Variants in SCFD2 observed in about 807,000 individuals in gnomAD.
SCFD2 encodes the protein sec1 family domain-containing protein 2.
In SCFD2, 54 loss-of-function variants were observed where a neutral mutation model predicts 58.9. The ratio of observed to expected loss-of-function variants is 0.92; its 90% CI spans 0.74 to 1.15. The LOEUF (loss-of-function observed/expected upper bound fraction) is 1.15. Ranked by LOEUF, SCFD2 falls within the 50% of genes most tolerant of loss-of-function variation. The pLI is 0.00. For missense variants in SCFD2, 805 were observed against 836.6 expected (o/e 0.96, Z 0.47); for synonymous variants, 321 against 335.9 (o/e 0.96, Z 0.49).
At chr4:52,975,274 G>C (rs1383578451) in intron 5 of SCFD2, among the ~76,000 whole-genome samples, 2 of 152,154 alleles carry the variant, frequency 1.3e-5, no homozygotes, top group African/African-American at 4.8e-5. Context: ...CTACTCATCT[G>C]ACCATGGGCT....
Position 53,145,592 on chromosome 4 carries a change from A to G in SCFD2, c.1312-10T>C. ...CTGACTCCCCAATGCTCTAAAATAAAAAATGATATGAAAATATGTCAATCT... is the reference window on the plus strand; with the variant it reads ...CTGACTCCCCAATGCTCTAAAATAAGAAATGATATGAAAATATGTCAATCT... On this transcript the variant is annotated splice_polypyrimidine_tract_variant and intron_variant, in intron 4 of 8. Coordinates refer to ENST00000401642, the MANE Select transcript of SCFD2 (RefSeq NM_152540.4). 1 of 1,605,616 alleles carries G rather than the reference A, an allele frequency of 6.2e-7. No homozygotes were observed. The highest frequency in any genetic ancestry group is 8.5e-7 in the Non-Finnish European group (1 of 1,176,640).
At chr4:52,943,745 C>G (rs773476359) in intron 5 of SCFD2, among the ~76,000 whole-genome samples, 1 of 152,112 alleles carries the variant, frequency 6.6e-6, no homozygotes, top group Non-Finnish European at 1.5e-5. Context: ...GGGACACATT[C>G]AAACCAAACC....
chr4:53,179,735 T>C (rs1727477263), intron 4 of SCFD2, among the ~76,000 whole-genome samples: 1 of 152,116 alleles, frequency 6.6e-6, no homozygotes, highest in South Asian at 2.1e-4. Flanking sequence ...GACCCATCAG[T>C]GTGCTGTATT....
At chr4:53,333,443 C>T (rs1328573203) in intron 2 of SCFD2, among the ~76,000 whole-genome samples, 1 of 136,204 alleles carries the variant, frequency 7.3e-6, no homozygotes, top group Non-Finnish European at 1.6e-5. Flanking sequence ...AGAAATAATG[C>T]CGCATATCTA....
intron 8 of SCFD2, among the ~76,000 whole-genome samples, chr4:52,880,059 T>C (rs994318342): frequency 5.3e-5 from 8 of 152,158 alleles, no homozygotes; most frequent in African/African-American, 1.9e-4. Flanking sequence ...ATTAAGCCAG[T>C]GGCACAGTGG....
At chr4:53,248,628 C>A (rs1366698517) in intron 4 of SCFD2, among the ~76,000 whole-genome samples, 3 of 152,240 alleles carry the variant, frequency 2.0e-5, no homozygotes, top group South Asian at 2.1e-4. Context: ...GACCCCCGAG[C>A]AGCCTAAGTG....
chr4:53,282,145 G>GC (rs1731526591), intron 3 of SCFD2, among the ~76,000 whole-genome samples: 1 of 152,154 alleles, frequency 6.6e-6, no homozygotes, highest in African/African-American at 2.4e-5. Flanking sequence ...GGGTAGAGGT[G>GC]CAGGTTTGTT....
chr4:52,983,589 G>A (rs76170492), intron 5 of SCFD2, among the ~76,000 whole-genome samples: 1 of 152,188 alleles, frequency 6.6e-6, no homozygotes, highest in African/African-American at 2.4e-5. Context: ...TTCTAGACAA[G>A]TGCTATTTTT....
At chr4:52,901,374 T>C (rs955746116) in intron 7 of SCFD2, among the ~76,000 whole-genome samples, 1 of 152,150 alleles carries the variant, frequency 6.6e-6, no homozygotes, top group Non-Finnish European at 1.5e-5. Flanking sequence ...CCCTGACAAA[T>C]AGAGCACAGT....
rs555390389 is a variant in SCFD2 at position 53,160,535 on chromosome 4, G to C, written c.1312-14953C>G. On this transcript the variant is annotated intron_variant, in intron 4 of 8. Transcript: ENST00000401642. ...TTTAGAGGAGGTTCAGAAAAGGAGG[G>C]GGTGTTTCAAAGGAGAAAACACAGA... Among the ~76,000 whole-genome samples, 57 of 152,146 alleles carry C rather than the reference G, an allele frequency of 3.7e-4. No homozygotes were observed. In the South Asian group the frequency reaches 0.011, roughly 31 times the overall value.
intron 7 of SCFD2, among the ~76,000 whole-genome samples, chr4:52,902,746 C>T (rs968260352): frequency 4.6e-5 from 7 of 152,192 alleles, no homozygotes; most frequent in East Asian, 1.9e-4. Context: ...TTATCATCCC[C>T]GATCTATAGA....
In SCFD2 at chr4:53,204,344, G is replaced by A. The variant is rs189025632; in HGVS notation, c.1312-58762C>T. On this transcript the variant is annotated intron_variant, in intron 4 of 8. Coordinates refer to ENST00000401642, the MANE Select transcript of SCFD2 (RefSeq NM_152540.4). ...AATGTCCAAAAAAAATTACATCCTT[G>A]AAAAACTAAGAGAAAATATTGTATC... Among the ~76,000 whole-genome samples, 335 of 151,670 alleles carry A rather than the reference G, an allele frequency of 2.2e-3. 1 individual carries two copies. The highest frequency in any genetic ancestry group is 4.6e-3 in the South Asian group (22 of 4,798).
At chr4:52,899,255 T>C (rs1468156207) in intron 7 of SCFD2, among the ~76,000 whole-genome samples, 1 of 152,212 alleles carries the variant, frequency 6.6e-6, no homozygotes, top group Non-Finnish European at 1.5e-5. Flanking sequence ...CGATAGTCTT[T>C]ACAATTTGGC....
At chr4:53,275,845 G>C (rs1331737761) in intron 3 of SCFD2, among the ~76,000 whole-genome samples, 1 of 152,116 alleles carries the variant, frequency 6.6e-6, no homozygotes, top group African/African-American at 2.4e-5. Context: ...CCACGTTGCT[G>C]CTTGTATTAG....
intron 5 of SCFD2, among the ~76,000 whole-genome samples, chr4:53,032,298 A>G (rs910855997): frequency 6.6e-6 from 1 of 152,232 alleles, no homozygotes; most frequent in Admixed American, 6.5e-5. Context: ...AGCACTAAAC[A>G]TGGAAGGGAA....
At chr4:53,322,821 G>A (rs751621507) in intron 2 of SCFD2, among the ~76,000 whole-genome samples, 44 of 152,254 alleles carry the variant, frequency 2.9e-4, no homozygotes, top group Non-Finnish European at 5.9e-4. Context: ...TTGCTCCACT[G>A]GGGAACTCTA....
chr4:53,106,508 C>T (rs771514870), intron 5 of SCFD2, among the ~76,000 whole-genome samples: 2 of 152,212 alleles, frequency 1.3e-5, no homozygotes, highest in Middle Eastern at 3.4e-3. Context: ...CTAGAATAAC[C>T]GTTTAGAGAA....
chr4:53,151,208 T>A (rs1296235532), intron 4 of SCFD2, among the ~76,000 whole-genome samples: 27 of 152,176 alleles, frequency 1.8e-4, no homozygotes, highest in Admixed American at 1.8e-3. Flanking sequence ...AAAGGCAATA[T>A]AAACATTATT....
At chr4:52,979,335 C>T (rs1721325155) in intron 5 of SCFD2, among the ~76,000 whole-genome samples, 1 of 151,982 alleles carries the variant, frequency 6.6e-6, no homozygotes, top group African/African-American at 2.4e-5. Context: ...CAAAAAGATC[C>T]ATATACAAAT....
Sources: gnomAD v4.1 joint callset for allele counts (sites outside exome capture counted in the v4.1 genomes callset) on GRCh38, gnomAD v4.1.1 for gene constraint, MANE v1.5 for transcripts, NCBI Gene and HGNC (gene_info 2026-07-23, HGNC 2026-07-21) for gene names.